The following VAV3 variants were observed in gnomAD, a reference collection of about 807,000 sequenced individuals.
VAV3 encodes the protein guanine nucleotide exchange factor VAV3.
A neutral mutation model predicts 131.2 loss-of-function variants in VAV3; 94 were observed. The ratio of observed to expected loss-of-function variants is 0.72; its 90% CI spans 0.61 to 0.85. VAV3 has a LOEUF of 0.85. Among genes scored for constraint, VAV3 ranks in the 40% least tolerant of loss-of-function variants. VAV3 has a pLI of 0.00. For synonymous variants in VAV3, 349 were observed against 342.0 expected, an observed-to-expected ratio of 1.02 and a Z score of -0.22; for missense variants, 939 against 1,002.7, an observed-to-expected ratio of 0.94 and a Z score of 0.86.
intron 25 of VAV3, chr1:107,576,583 T>G: frequency 1.0e-6 from 1 of 965,278 alleles, no homozygotes; most frequent in Non-Finnish European, 1.5e-6. Flanking sequence ...CATTTCTAAA[T>G]GAAGAACAAG....
intron 1 of VAV3, among the ~76,000 whole-genome samples, chr1:107,893,128 T>A (rs1671389371): frequency 6.6e-6 from 1 of 152,238 alleles, no homozygotes; most frequent in Non-Finnish European, 1.5e-5. Context: ...CTCAGTGAGA[T>A]GTTCCTACAG....
At chr1:107,646,844 C>T (rs12404650) in intron 19 of VAV3, among the ~76,000 whole-genome samples, 55,339 of 151,642 alleles carry the variant, frequency 0.36, 11,231 homozygotes, top group East Asian at 0.61. Context: ...TGTAGGTATG[C>T]AGAATGCTGG....
intron 2 of VAV3, among the ~76,000 whole-genome samples, chr1:107,803,655 T>C (rs1181097360): frequency 1.3e-5 from 2 of 152,106 alleles, no homozygotes; most frequent in African/African-American, 4.8e-5. Flanking sequence ...GAGACTTGTT[T>C]CCTGGCCTAA....
chr1:107,753,553 C>CAA (rs1663914120), intron 12 of VAV3, among the ~76,000 whole-genome samples: 1 of 69,720 alleles, frequency 1.4e-5, no homozygotes, highest in Admixed American at 1.3e-4. Flanking sequence ...TATATATACA[C>CAA]ACACACACTT....
At chr1:107,582,941 C>T (rs539593473) in intron 25 of VAV3, among the ~76,000 whole-genome samples, 1 of 151,998 alleles carries the variant, frequency 6.6e-6, no homozygotes, top group Non-Finnish European at 1.5e-5. Flanking sequence ...AATGGGATGG[C>T]TGGGTCAAAT....
intron 11 of VAV3, among the ~76,000 whole-genome samples, chr1:107,756,146 G>A (rs566639204): frequency 1.3e-4 from 20 of 152,274 alleles, no homozygotes; most frequent in South Asian, 6.2e-4. Context: ...AATGCTGGCC[G>A]TGTCTTTCCA....
At chr1:107,662,491 T>A (rs1657093565) in intron 19 of VAV3, among the ~76,000 whole-genome samples, 1 of 152,174 alleles carries the variant, frequency 6.6e-6, no homozygotes, top group South Asian at 2.1e-4. Flanking sequence ...ACAGTGCATT[T>A]CCAGAGCACA....
At chr1:107,942,953 CA>C (rs1249345164) in intron 1 of VAV3, among the ~76,000 whole-genome samples, 2 of 152,164 alleles carry the variant, frequency 1.3e-5, no homozygotes, top group Non-Finnish European at 2.9e-5. Flanking sequence ...AAACAAAACT[CA>C]CGTTTTCTTG....
chr1:107,587,136 T>C (rs947571430), intron 25 of VAV3, among the ~76,000 whole-genome samples: 3 of 152,164 alleles, frequency 2.0e-5, no homozygotes, highest in South Asian at 2.1e-4. Flanking sequence ...TATGTAACAC[T>C]TGAGACGTGA....
chr1:107,900,964 T>C (rs566467925), intron 1 of VAV3, among the ~76,000 whole-genome samples: 55 of 152,346 alleles, frequency 3.6e-4, no homozygotes, highest in Non-Finnish European at 7.2e-4. Flanking sequence ...ATAAGATTTT[T>C]ATAAAGAGAC....
chr1:107,592,715 T>C (rs998480285), intron 25 of VAV3, among the ~76,000 whole-genome samples: 2 of 152,158 alleles, frequency 1.3e-5, no homozygotes, highest in African/African-American at 4.8e-5. Context: ...TCATTCCTCA[T>C]TCATCAGATG....
intron 24 of VAV3, among the ~76,000 whole-genome samples, chr1:107,599,143 C>G (rs1385637684): frequency 6.6e-6 from 1 of 152,126 alleles, no homozygotes; most frequent in African/African-American, 2.4e-5. Flanking sequence ...TAGGGTCATG[C>G]GGCTTACTTA....
chr1:107,715,554 T>A (rs1320767088), intron 15 of VAV3, among the ~76,000 whole-genome samples: 1 of 152,230 alleles, frequency 6.6e-6, no homozygotes, highest in Non-Finnish European at 1.5e-5. Context: ...GCCTATCATG[T>A]GACAGTCATT....
At chr1:107,837,286 G>T (rs1230409260) in intron 2 of VAV3, among the ~76,000 whole-genome samples, 1 of 152,050 alleles carries the variant, frequency 6.6e-6, no homozygotes, top group African/African-American at 2.4e-5. Context: ...CAATAAATGT[G>T]ATTCACCACA....
intron 10 of VAV3, among the ~76,000 whole-genome samples, chr1:107,757,983 C>T (rs1213479695): frequency 2.0e-5 from 3 of 152,190 alleles, no homozygotes; most frequent in African/African-American, 7.2e-5. Context: ...GAGTCCCGGA[C>T]TCATCCGTCC....
chr1:107,736,364 C>T (rs1011458219), intron 15 of VAV3, among the ~76,000 whole-genome samples: 5 of 152,096 alleles, frequency 3.3e-5, no homozygotes, highest in African/African-American at 9.7e-5. Flanking sequence ...CAAGGGCAAT[C>T]AGGCAGGAGA....
chr1:107,833,264 C>T lies in VAV3; in HGVS notation c.321+41637G>A, dbSNP rs545930206. On this transcript the variant is annotated intron_variant, in intron 2 of 26. Coordinates refer to ENST00000370056, the MANE Select transcript of VAV3 (RefSeq NM_006113.5). ...TTATTACTGACACAGTGAAAGTTTT[C>T]GTGGTCTGGATAGATCAGATCAGCC... 3.3e-5 allele frequency among the ~76,000 whole-genome samples: 5 copies of T among 151,948 alleles called. No individual in the cohort carries two copies. In the East Asian group the frequency reaches 5.8e-4, roughly 18 times the overall value.
At chr1:107,603,253 T>C in intron 22 of VAV3, 90 bp from the exon 23 acceptor site, 4 of 923,866 alleles carry the variant, frequency 4.3e-6, no homozygotes, top group Non-Finnish European at 5.2e-6. Flanking sequence ...TTTAATTTAG[T>C]GGCAGATCTG....
intron 2 of VAV3, among the ~76,000 whole-genome samples, chr1:107,790,320 A>G (rs937718935): frequency 1.3e-5 from 2 of 152,214 alleles, no homozygotes; most frequent in African/African-American, 4.8e-5. Flanking sequence ...CCCACCTGGA[A>G]ATTCATCACC....
Sources: gnomAD v4.1 joint callset for allele counts (sites outside exome capture counted in the v4.1 genomes callset) on GRCh38, gnomAD v4.1.1 for gene constraint, MANE v1.5 for transcripts, NCBI Gene and HGNC (gene_info 2026-07-23, HGNC 2026-07-21) for gene names.